The following ERBB4 variants were observed in gnomAD, a reference collection of about 807,000 sequenced individuals.
The protein encoded by ERBB4 is receptor tyrosine-protein kinase erbB-4.
In ERBB4, 42 loss-of-function variants were observed where a neutral mutation model predicts 158.0. That is an observed-to-expected ratio of 0.27 (90% CI 0.21 to 0.34). The LOEUF (loss-of-function observed/expected upper bound fraction) is 0.34. Ranked by LOEUF, ERBB4 falls within the 10% of genes least tolerant of loss-of-function variation. ERBB4 has a pLI of 1.00. For synonymous variants in ERBB4, 583 were observed against 558.7 expected, an observed-to-expected ratio of 1.04 and a Z score of -0.61; for missense variants, 1,333 against 1,624.1, an observed-to-expected ratio of 0.82 and a Z score of 3.08.
At chr2:212,148,013 C>T (rs770555036) in intron 1 of ERBB4, among the ~76,000 whole-genome samples, 2 of 151,978 alleles carry the variant, frequency 1.3e-5, no homozygotes, top group Non-Finnish European at 2.9e-5. Flanking sequence ...TATTGAATTA[C>T]CTTTTGTGCA....
intron 1 of ERBB4, among the ~76,000 whole-genome samples, chr2:212,376,455 G>T (rs773535086): frequency 6.6e-6 from 1 of 152,004 alleles, no homozygotes; most frequent in Non-Finnish European, 1.5e-5. Context: ...TCTTGAGAAG[G>T]TTAGCCAAAG....
chr2:212,111,878 C>CT (rs35564311), intron 2 of ERBB4, among the ~76,000 whole-genome samples: 22 of 150,560 alleles, frequency 1.5e-4, no homozygotes, highest in South Asian at 4.2e-4. Flanking sequence ...ACTATACAAC[C>CT]TTTTTTTTTT....
chr2:212,330,008 A>T (rs1469820332), intron 1 of ERBB4, among the ~76,000 whole-genome samples: 1 of 152,078 alleles, frequency 6.6e-6, no homozygotes, highest in Non-Finnish European at 1.5e-5. Context: ...GTTCCACCCC[A>T]GTAACCTTTT....
intron 1 of ERBB4, among the ~76,000 whole-genome samples, chr2:212,187,215 G>A (rs561595948): frequency 6.6e-6 from 1 of 152,024 alleles, no homozygotes; most frequent in African/African-American, 2.4e-5. Flanking sequence ...AAACATTTGA[G>A]TACTATTATT....
chr2:212,045,601 G>C (rs2077241931), intron 2 of ERBB4, among the ~76,000 whole-genome samples: 1 of 152,186 alleles, frequency 6.6e-6, no homozygotes, highest in African/African-American at 2.4e-5. Context: ...TGAAGTTTTA[G>C]CCTCAGGGAG....
At chr2:211,503,736 T>C (rs2065674577) in intron 20 of ERBB4, among the ~76,000 whole-genome samples, 1 of 151,786 alleles carries the variant, frequency 6.6e-6, no homozygotes, top group African/African-American at 2.4e-5. Context: ...GGCCGACTGC[T>C]GGGCTGAAAA....
At chr2:212,026,028 A>C (rs559197882) in intron 2 of ERBB4, among the ~76,000 whole-genome samples, 10 of 151,708 alleles carry the variant, frequency 6.6e-5, no homozygotes, top group Non-Finnish European at 1.3e-4. Flanking sequence ...ACAAAAATAA[A>C]TAATAGATGC....
intron 20 of ERBB4, among the ~76,000 whole-genome samples, chr2:211,442,258 T>C (rs905034496): frequency 6.6e-6 from 1 of 152,074 alleles, no homozygotes; most frequent in African/African-American, 2.4e-5. Context: ...ACATGCTTGG[T>C]CAAATTTAAC....
chr2:211,508,497 G>A (rs1191297720), intron 20 of ERBB4, among the ~76,000 whole-genome samples: 1 of 152,136 alleles, frequency 6.6e-6, no homozygotes, highest in African/African-American at 2.4e-5. Context: ...AGAGGATTTG[G>A]AGAAATAGGA....
intron 3 of ERBB4, among the ~76,000 whole-genome samples, chr2:211,835,800 G>A (rs1041822156): frequency 6.6e-6 from 1 of 152,012 alleles, no homozygotes; most frequent in African/African-American, 2.4e-5. Flanking sequence ...CATATTAAAT[G>A]AGAATACAAG....
chr2:211,626,965 A>T (rs542055378), intron 17 of ERBB4, among the ~76,000 whole-genome samples: 9 of 48,670 alleles, frequency 1.8e-4, no homozygotes, highest in East Asian at 5.0e-4. Flanking sequence ...ATAAAAAAAA[A>T]AAAGTGTGTG....
intron 19 of ERBB4, among the ~76,000 whole-genome samples, chr2:211,569,241 C>T (rs1329161593): frequency 6.6e-6 from 1 of 152,226 alleles, no homozygotes; most frequent in Non-Finnish European, 1.5e-5. Context: ...AAGAAGTCTA[C>T]ATCGGGAAAG....
At chr2:211,505,859 C>G (rs1014927360) in intron 20 of ERBB4, among the ~76,000 whole-genome samples, 1 of 150,968 alleles carries the variant, frequency 6.6e-6, no homozygotes, top group African/African-American at 2.4e-5. Context: ...ACTCAGGAGG[C>G]TGAGGCAGGA....
chr2:211,881,975 G>A (rs1284249644), intron 3 of ERBB4, among the ~76,000 whole-genome samples: 2 of 152,020 alleles, frequency 1.3e-5, no homozygotes, highest in Non-Finnish European at 2.9e-5. Context: ...AGATAACATC[G>A]GCTTACTATT....
At chr2:212,049,519 C>T (rs976958907) in intron 2 of ERBB4, among the ~76,000 whole-genome samples, 3 of 152,012 alleles carry the variant, frequency 2.0e-5, no homozygotes, top group African/African-American at 7.2e-5. Flanking sequence ...AATGAGAATA[C>T]CTAGGCTATA....
chr2:211,496,614 C>G (rs1384617068), intron 20 of ERBB4, among the ~76,000 whole-genome samples: 2 of 151,666 alleles, frequency 1.3e-5, no homozygotes, highest in Non-Finnish European at 2.9e-5. Flanking sequence ...GTTACCATAT[C>G]ATCTCTCACC....
chr2:211,523,341 A>C (rs943767141), intron 20 of ERBB4, among the ~76,000 whole-genome samples: 2 of 150,422 alleles, frequency 1.3e-5, no homozygotes, highest in Non-Finnish European at 2.9e-5. Context: ...TGGGAAAGGG[A>C]GAGTGCAGTG....
intron 3 of ERBB4, among the ~76,000 whole-genome samples, chr2:211,856,974 CA>C (rs2077883015): frequency 6.6e-6 from 1 of 151,848 alleles, no homozygotes; most frequent in Non-Finnish European, 1.5e-5. Context: ...GAACTTTAGA[CA>C]AAATTATTTA....
chr2:212,081,664 G>A (rs1026377375), intron 2 of ERBB4, among the ~76,000 whole-genome samples: 2 of 152,076 alleles, frequency 1.3e-5, no homozygotes, highest in African/African-American at 4.8e-5. Context: ...TCATTCTCCT[G>A]TTTCTAACAC....
Sources: gnomAD v4.1 joint callset for allele counts (sites outside exome capture counted in the v4.1 genomes callset) on GRCh38, gnomAD v4.1.1 for gene constraint, MANE v1.5 for transcripts, NCBI Gene and HGNC (gene_info 2026-07-23, HGNC 2026-07-21) for gene names.